Variants in FCN2 observed in about 807,000 individuals in gnomAD.
The protein encoded by FCN2 is ficolin 2.
A neutral mutation model predicts 32.5 loss-of-function variants in FCN2; 31 were observed. That is an observed-to-expected ratio of 0.96 (90% CI 0.72 to 1.29). The LOEUF is 1.29. FCN2 is among the 50% of genes most tolerant of loss of function. The probability of loss-of-function intolerance (pLI) is 0.00; values close to 1 mark genes in which losing one functional copy is unlikely to be tolerated. For synonymous variants in FCN2, 181 were observed against 164.5 expected (o/e 1.10, Z -0.77); for missense variants, 412 against 406.5 (o/e 1.01, Z -0.12).
the FCN2 span, among the ~76,000 whole-genome samples, chr9:134,875,770 C>A: frequency 0.01 from 1,594 of 152,292 alleles, 12 homozygotes; most frequent in Middle Eastern, 0.027. Context: ...AGACCACTCC[C>A]CAGTTGAACC....
intron 2 of FCN2, among the ~76,000 whole-genome samples, chr9:134,882,910 G>A (rs111467869): frequency 0.026 from 3,961 of 152,242 alleles, 151 homozygotes; most frequent in African/African-American, 0.09. Flanking sequence ...CCGCTGGCAC[G>A]ACTTCAAGCT....
the FCN2 span, among the ~76,000 whole-genome samples, chr9:134,874,103 A>C: frequency 6.6e-6 from 1 of 151,962 alleles, no homozygotes; most frequent in African/African-American, 2.4e-5. Context: ...TTAAATAGAG[A>C]CAGGGTTTCA....
At chr9:134,883,861 G>A (rs1830704078) in intron 3 of FCN2, among the ~76,000 whole-genome samples, 1 of 117,812 alleles carries the variant, frequency 8.5e-6, no homozygotes, top group African/African-American at 3.2e-5. Flanking sequence ...TAGTGGGGGG[G>A]CTGTCTGTAT....
At chr9:134,869,057 T>A in the FCN2 span, among the ~76,000 whole-genome samples, 1 of 152,170 alleles carries the variant, frequency 6.6e-6, no homozygotes, top group Admixed American at 6.5e-5. Flanking sequence ...TGTGTATTAA[T>A]CAGTCCTTTA....
At chr9:134,874,307 T>C in the FCN2 span, among the ~76,000 whole-genome samples, 1 of 152,250 alleles carries the variant, frequency 6.6e-6, no homozygotes. Context: ...CAAGAAATCA[T>C]TGCCTAATTC....
upstream of FCN2, among the ~76,000 whole-genome samples, chr9:134,875,981 G>T (rs1242021711): frequency 6.6e-6 from 1 of 152,190 alleles, no homozygotes; most frequent in African/African-American, 2.4e-5. Context: ...TTTTTGGAGA[G>T]CCTTTTTCAT....
the FCN2 span, among the ~76,000 whole-genome samples, chr9:134,865,607 G>C: frequency 2.0e-5 from 3 of 151,810 alleles, no homozygotes; most frequent in Middle Eastern, 3.2e-3. Context: ...GTCTACACTT[G>C]TTCTGACCAG....
chr9:134,887,234 C>A lies in FCN2; in HGVS notation c.761C>A (p.Thr254Asn). ...AAAGACCAGGACAATGATCTTAACACCGGAAATTGTGCTGTGATGTTTCAG... is the reference window on the plus strand; with the variant it reads ...AAAGACCAGGACAATGATCTTAACAACGGAAATTGTGCTGTGATGTTTCAG... ...STKDQDNDLN[T>N]GNCAVMFQGA... The change falls in exon 8 of 8, where the codon ACC (threonine) becomes AAC (asparagine). Residue 254 changes from threonine to asparagine, a missense_variant. By Grantham distance (65) the Thr-to-Asn change is moderately conservative (BLOSUM62 0). Transcript: ENST00000291744. The A allele has an allele frequency of 6.2e-7, 1 of 1,614,162 alleles. No homozygotes were observed. Among genetic ancestry groups the A allele is most frequent in the Non-Finnish European group, 8.5e-7 (1 of 1,179,996 alleles).
At chr9:134,868,883 AAGC>A in the FCN2 span, among the ~76,000 whole-genome samples, 1 of 152,200 alleles carries the variant, frequency 6.6e-6, no homozygotes, top group African/African-American at 2.4e-5. This position sits in a 1 kb window ranked among gnomAD's most constrained non-coding sequence, Gnocchi z 4.3. Context: ...GGCTAAGACA[AAGC>A]AGGGCCACCG....
At chr9:134,883,071 C>T (rs1830688265) in intron 2 of FCN2, among the ~76,000 whole-genome samples, 1 of 152,232 alleles carries the variant, frequency 6.6e-6, no homozygotes, top group South Asian at 2.1e-4. Flanking sequence ...CCCATGGTCT[C>T]TGGATTTCCA....
At chr9:134,874,776 T>C in the FCN2 span, among the ~76,000 whole-genome samples, 1 of 152,252 alleles carries the variant, frequency 6.6e-6, no homozygotes, top group East Asian at 1.9e-4. Context: ...CTGTGTTGCA[T>C]CTGCAGATCA....
chr9:134,883,214 T>G, intron 2 of FCN2, 88 bp from the exon 3 acceptor site: 1 of 1,107,814 alleles, frequency 9.0e-7, no homozygotes, highest in Non-Finnish European at 1.4e-6. Context: ...ATGGTCATGA[T>G]TGGAAATGAC....
chr9:134,886,938 A>G (rs1830766519), intron 7 of FCN2, among the ~76,000 whole-genome samples: 1 of 152,184 alleles, frequency 6.6e-6, no homozygotes, highest in African/African-American at 2.4e-5. Flanking sequence ...TGAAATAAAC[A>G]TAGTACACAT....
upstream of FCN2, among the ~76,000 whole-genome samples, chr9:134,878,700 G>A (rs940156619): frequency 6.6e-6 from 1 of 152,092 alleles, no homozygotes; most frequent in Non-Finnish European, 1.5e-5. Flanking sequence ...AAAAGTAGCC[G>A]GACATGGTAG....
the FCN2 span, among the ~76,000 whole-genome samples, chr9:134,870,853 C>T: frequency 6.6e-6 from 1 of 152,088 alleles, no homozygotes; most frequent in African/African-American, 2.4e-5. The surrounding 1 kb of genome is among the most constrained non-coding windows in gnomAD (Gnocchi z 4.3). Flanking sequence ...GCAGCTTGTG[C>T]ACTCAGAGCC....
the FCN2 span, among the ~76,000 whole-genome samples, chr9:134,872,471 G>A: frequency 1.1e-4 from 17 of 152,290 alleles, no homozygotes; most frequent in Admixed American, 3.3e-4. Context: ...TGGATTGTAC[G>A]ATAGGTGTAT....
chr9:134,883,513 C>T (rs1009633465), intron 3 of FCN2, among the ~76,000 whole-genome samples, 158 bp downstream of exon 3: 1 of 148,784 alleles, frequency 6.7e-6, no homozygotes, highest in African/African-American at 2.5e-5. Context: ...GCAGGGGTCT[C>T]AGTGTGGGGG....
Position 134,883,307 on chromosome 9 carries a change from C to T in FCN2, c.220C>T (p.Arg74Cys), listed in dbSNP as rs138601974. 6.4e-5 allele frequency: 103 copies of T among 1,612,908 alleles called. No homozygotes were observed. Among genetic ancestry groups the T allele is most frequent in the Non-Finnish European group, 7.8e-5 (92 of 1,179,088 alleles). Residue 74 changes from arginine to cysteine, a missense_variant, in exon 3 of 8, where the codon CGT becomes TGT. Transcript: ENST00000291744. The stretch of plus-strand genomic sequence containing the variant: ...AGTGTCTTTGGAAATTGCAGGAGAA[C>T]GTGGCCCCCCTGGACCTCCTGGGAA... ...EAGTNGKRGE[R>C]GPPGPPGKAG...
Position 134,886,740 on chromosome 9 carries a change from G to A in FCN2, c.694+176G>A, listed in dbSNP as rs371501019. 2.0e-5 allele frequency among the ~76,000 whole-genome samples: 3 copies of A among 152,250 alleles called. No homozygotes were observed. In the East Asian group the frequency reaches 5.8e-4, roughly 29 times the overall value. ...TGCTCTGTGTAGCATGGGGGTCATG[G>A]GACACATCAGTGTATGACTGCAGAA... On this transcript the variant is annotated intron_variant, in intron 7 of 7. Coordinates refer to ENST00000291744, the MANE Select transcript of FCN2 (RefSeq NM_004108.3).
Sources: allele counts gnomAD v4.1 joint callset (sites outside exome capture counted in the v4.1 genomes callset), GRCh38; gene constraint gnomAD v4.1.1; non-coding constraint Gnocchi (gnomAD v3.1); transcripts MANE v1.5; gene names NCBI Gene and HGNC (gene_info 2026-07-23, HGNC 2026-07-21).